CSMD1: variants seen among roughly 807,000 people sequenced by gnomAD.
The protein encoded by CSMD1 is CUB and sushi domain-containing protein 1.
Under a neutral mutation model 417.5 loss-of-function variants are expected in CSMD1, and 213 were observed. That is an observed-to-expected ratio of 0.51 (90% confidence interval 0.46 to 0.57). The LOEUF (loss-of-function observed/expected upper bound fraction) is 0.57. Among genes scored for constraint, CSMD1 ranks in the 20% least tolerant of loss-of-function variants. The probability of loss-of-function intolerance (pLI) is 0.00; values close to 1 mark genes in which losing one functional copy is unlikely to be tolerated. For synonymous variants in CSMD1, 2,862 were observed against 1,736.8 expected, an observed-to-expected ratio of 1.65 and a Z score of -16.11; for missense variants, 6,923 against 4,529.7, an observed-to-expected ratio of 1.53 and a Z score of -15.17.
At chr8:4,234,053 G>A (rs540965984) in intron 3 of CSMD1, among the ~76,000 whole-genome samples, 2 of 152,182 alleles carry the variant, frequency 1.3e-5, no homozygotes, top group Admixed American at 6.5e-5. Context: ...CAGTGAAACA[G>A]ATAAGTCAAC....
At chr8:4,634,419 T>C (rs1392124462) in intron 2 of CSMD1, among the ~76,000 whole-genome samples, 1 of 152,236 alleles carries the variant, frequency 6.6e-6, no homozygotes, top group South Asian at 2.1e-4. Flanking sequence ...AAGAAATTTA[T>C]TGATACTAAA....
At chr8:4,036,756 C>G (rs1240290017) in intron 3 of CSMD1, among the ~76,000 whole-genome samples, 2 of 152,196 alleles carry the variant, frequency 1.3e-5, no homozygotes, top group African/African-American at 2.4e-5. Context: ...ACACCAGGTC[C>G]TCAAATAGCA....
At chr8:3,472,600 A>AT (rs1817170007) in intron 11 of CSMD1, among the ~76,000 whole-genome samples, 2 of 151,754 alleles carry the variant, frequency 1.3e-5, no homozygotes, top group East Asian at 2.0e-4. Flanking sequence ...ATATATATAT[A>AT]AAATTTCCAG....
chr8:4,815,248 T>A (rs1799138097), intron 1 of CSMD1, among the ~76,000 whole-genome samples: 1 of 151,890 alleles, frequency 6.6e-6, no homozygotes, highest in Admixed American at 6.6e-5. Context: ...AAACCACAAT[T>A]AACAATTTAT....
chr8:3,950,379 C>G (rs1231857706), intron 5 of CSMD1, among the ~76,000 whole-genome samples: 1 of 152,192 alleles, frequency 6.6e-6, no homozygotes, highest in Non-Finnish European at 1.5e-5. Context: ...GGAAAACTCT[C>G]CGGTACAGTT....
intron 3 of CSMD1, among the ~76,000 whole-genome samples, chr8:4,370,051 A>G (rs1370336139): frequency 6.6e-6 from 1 of 151,924 alleles, no homozygotes; most frequent in Non-Finnish European, 1.5e-5. Flanking sequence ...TCAATGAGGT[A>G]TGTGCTTCAG....
At chr8:3,961,584 CTT>C (rs1221094676) in intron 5 of CSMD1, among the ~76,000 whole-genome samples, 1 of 152,162 alleles carries the variant, frequency 6.6e-6, no homozygotes, top group East Asian at 1.9e-4. Context: ...TATAAAAACG[CTT>C]TGAGATCATA....
intron 61 of CSMD1, among the ~76,000 whole-genome samples, chr8:2,962,118 T>A (rs938648389): frequency 2.0e-5 from 3 of 152,202 alleles, no homozygotes; most frequent in African/African-American, 7.2e-5. Flanking sequence ...ACAGCAAGAC[T>A]GTCTCTCTGG....
chr8:4,277,737 C>T lies in CSMD1; in HGVS notation c.415+142216G>A, dbSNP rs112363535. ...AACATAATTAGACCTTACCCATTCCCTAAATGTATTTTTATTTTTGTTTTT... is the reference window on the plus strand; with the variant it reads ...AACATAATTAGACCTTACCCATTCCTTAAATGTATTTTTATTTTTGTTTTT... On this transcript the variant is annotated intron_variant, in intron 3 of 69. Coordinates refer to ENST00000635120, the MANE Select transcript of CSMD1 (RefSeq NM_033225.6). 2.6e-3 allele frequency among the ~76,000 whole-genome samples: 392 copies of T among 152,148 alleles called. 1 individual carries two copies. The highest frequency in any genetic ancestry group is 8.5e-3 in the African/African-American group (354 of 41,506).
At chr8:4,083,615 T>C (rs1002594052) in intron 3 of CSMD1, among the ~76,000 whole-genome samples, 75 of 152,098 alleles carry the variant, frequency 4.9e-4, no homozygotes, top group Non-Finnish European at 9.3e-4. Context: ...TAATTAATGG[T>C]GCTGGGAAAA....
chr8:4,473,647 T>C (rs1800650563), intron 2 of CSMD1, among the ~76,000 whole-genome samples: 1 of 152,156 alleles, frequency 6.6e-6, no homozygotes, highest in Non-Finnish European at 1.5e-5. Flanking sequence ...GTTTCCTTTA[T>C]CTGTGAAAAC....
chr8:3,602,455 T>C (rs763451615), intron 8 of CSMD1, among the ~76,000 whole-genome samples: 8 of 152,184 alleles, frequency 5.3e-5, no homozygotes, highest in Non-Finnish European at 8.8e-5. Context: ...CCAAAATCAA[T>C]GCACTGGTTG....
chr8:4,438,925 A>C (rs1025995830), intron 2 of CSMD1, among the ~76,000 whole-genome samples: 1 of 152,226 alleles, frequency 6.6e-6, no homozygotes, highest in African/African-American at 2.4e-5. Context: ...AAGTAACAAT[A>C]TATGGTGTAG....
chr8:4,495,915 A>T (rs1037574816), intron 2 of CSMD1, among the ~76,000 whole-genome samples: 1 of 152,172 alleles, frequency 6.6e-6, no homozygotes, highest in East Asian at 1.9e-4. Flanking sequence ...ACCCCAGGTT[A>T]GGATAAATTC....
intron 5 of CSMD1, among the ~76,000 whole-genome samples, chr8:3,923,316 A>G (rs1232546601): frequency 6.6e-6 from 1 of 152,046 alleles, no homozygotes; most frequent in Non-Finnish European, 1.5e-5. Context: ...GAGTTTATGT[A>G]TGTATATATA....
At chr8:4,006,922 G>C (rs1348074180) in intron 4 of CSMD1, among the ~76,000 whole-genome samples, 1 of 146,634 alleles carries the variant, frequency 6.8e-6, no homozygotes, top group African/African-American at 2.5e-5. Flanking sequence ...CCGCCTCCTG[G>C]GTTCAAGCGA....
chr8:3,636,744 T>A (rs747522051), intron 7 of CSMD1, among the ~76,000 whole-genome samples: 1 of 152,200 alleles, frequency 6.6e-6, no homozygotes, highest in Non-Finnish European at 1.5e-5. Context: ...TCAGCGAGGA[T>A]GGCAGGGAGT....
At chr8:3,968,536 T>C (rs907653442) in intron 5 of CSMD1, among the ~76,000 whole-genome samples, 1 of 152,132 alleles carries the variant, frequency 6.6e-6, no homozygotes, top group Non-Finnish European at 1.5e-5. Flanking sequence ...ATGCCATTTT[T>C]TTTCAGATTT....
chr8:4,747,750 C>T (rs77674238), intron 1 of CSMD1, among the ~76,000 whole-genome samples: 1,582 of 152,228 alleles, frequency 0.01, 33 homozygotes, highest in African/African-American at 0.037. Flanking sequence ...GTGGCCCAAG[C>T]ACATCGAATA....
Sources: gnomAD v4.1 joint callset for allele counts (sites outside exome capture counted in the v4.1 genomes callset) on GRCh38, gnomAD v4.1.1 for gene constraint, MANE v1.5 for transcripts, NCBI Gene and HGNC (gene_info 2026-07-23, HGNC 2026-07-21) for gene names.